The following TENM4 variants were observed in gnomAD, a reference collection of about 807,000 sequenced individuals.
The protein encoded by TENM4 is teneurin-4.
In TENM4, 82 loss-of-function variants were observed where a neutral mutation model predicts 243.3. The observed-to-expected ratio is 0.34, with a 90% CI of 0.28 to 0.40. The LOEUF (loss-of-function observed/expected upper bound fraction) is 0.40. Ranked by LOEUF, TENM4 falls within the 10% of genes least tolerant of loss-of-function variation. The probability of loss-of-function intolerance (pLI) is 1.00; values close to 1 mark genes in which losing one functional copy is unlikely to be tolerated. For missense variants in TENM4, 3,138 were observed against 3,673.3 expected, an observed-to-expected ratio of 0.85 and a Z score of 3.77; for synonymous variants, 1,412 against 1,456.3, an observed-to-expected ratio of 0.97 and a Z score of 0.69.
Position 78,929,204 on chromosome 11 carries a change from G to T in TENM4, c.494-25681C>A, listed in dbSNP as rs7931447. Among the ~76,000 whole-genome samples, 772 of 152,284 alleles carry T rather than the reference G, an allele frequency of 5.1e-3. 3 individuals are homozygous for T. Among genetic ancestry groups the T allele is most frequent in the African/African-American group, 0.018 (742 of 41,562 alleles). ...ATAAATTCAGATCACCTTGCCTTCT[G>T]CTAGGATATTCCAGACACTCAAGGA... is the stretch of plus-strand genomic sequence containing the variant. On this transcript the variant is annotated intron_variant, in intron 6 of 33. Transcript: ENST00000278550.
At chr11:79,013,171 G>A (rs1405664326) in intron 6 of TENM4, among the ~76,000 whole-genome samples, 2 of 152,160 alleles carry the variant, frequency 1.3e-5, no homozygotes, top group African/African-American at 2.4e-5. Context: ...CAGGGGGCAC[G>A]AGAGCTGGTT....
At chr11:79,408,453 G>A (rs1858619670) in intron 1 of TENM4, among the ~76,000 whole-genome samples, 1 of 152,170 alleles carries the variant, frequency 6.6e-6, no homozygotes. Flanking sequence ...AAGTCACAGA[G>A]GCAGAGCTAC....
At chr11:79,287,818 G>A (rs960240189) in intron 2 of TENM4, among the ~76,000 whole-genome samples, 14 of 151,812 alleles carry the variant, frequency 9.2e-5, no homozygotes, top group Non-Finnish European at 1.8e-4. Flanking sequence ...AGGGCAGAGG[G>A]TATTATCAAC....
intron 2 of TENM4, among the ~76,000 whole-genome samples, chr11:79,253,431 A>G (rs1015203288): frequency 2.0e-5 from 3 of 152,244 alleles, no homozygotes; most frequent in African/African-American, 7.2e-5. Context: ...GCAGCCTGTC[A>G]GACTCCTTGG....
intron 20 of TENM4, among the ~76,000 whole-genome samples, chr11:78,733,175 TA>T (rs1376194128): frequency 6.6e-6 from 1 of 152,216 alleles, no homozygotes; most frequent in Non-Finnish European, 1.5e-5. Flanking sequence ...CTAAGCAGTT[TA>T]AAGATGGCTC....
chr11:78,955,910 A>G (rs1234070861), intron 6 of TENM4, among the ~76,000 whole-genome samples: 1 of 152,200 alleles, frequency 6.6e-6, no homozygotes, highest in Non-Finnish European at 1.5e-5. Flanking sequence ...CCCAGGTGGA[A>G]GGCCATAGGT....
chr11:78,785,567 A>C lies in TENM4; in HGVS notation c.2365+1331T>G, dbSNP rs75599299. The stretch of plus-strand genomic sequence containing the variant: ...TCAGGTCCTTGAAAATGAGGAAATA[A>C]TACATACTGCTTCACAGGGTGATTG... On this transcript the variant is annotated intron_variant, in intron 16 of 33. Coordinates refer to ENST00000278550, the MANE Select transcript of TENM4 (RefSeq NM_001098816.3). Among the ~76,000 whole-genome samples, 537 of 152,328 alleles carry C rather than the reference A, an allele frequency of 3.5e-3. 3 individuals carry two copies. The highest frequency in any genetic ancestry group is 0.012 in the African/African-American group (497 of 41,566).
intron 2 of TENM4, among the ~76,000 whole-genome samples, chr11:79,281,859 C>T (rs1856162841): frequency 6.6e-6 from 1 of 152,208 alleles, no homozygotes; most frequent in Admixed American, 6.5e-5. Context: ...TTAAGGTCCG[C>T]CTTCTGGGGT....
intron 15 of TENM4, among the ~76,000 whole-genome samples, chr11:78,795,949 T>C (rs1481822832): frequency 6.6e-6 from 1 of 152,110 alleles, no homozygotes. Flanking sequence ...TCCTGTGCTT[T>C]TCAACTTCCC....
At chr11:79,013,630 A>G (rs1208916821) in intron 6 of TENM4, among the ~76,000 whole-genome samples, 1 of 152,222 alleles carries the variant, frequency 6.6e-6, no homozygotes, top group East Asian at 1.9e-4. Context: ...GGCTGGATGA[A>G]CAAGATTCCA....
intron 2 of TENM4, among the ~76,000 whole-genome samples, chr11:79,227,200 T>C (rs567006170): frequency 4.4e-4 from 67 of 152,214 alleles, no homozygotes; most frequent in Non-Finnish European, 9.0e-4. Context: ...AAAATGATTC[T>C]AGCTCCTGCT....
At chr11:79,152,495 A>G (rs1431656369) in intron 3 of TENM4, among the ~76,000 whole-genome samples, 1 of 152,222 alleles carries the variant, frequency 6.6e-6, no homozygotes, top group African/African-American at 2.4e-5. Context: ...ATAAACTCCC[A>G]GAAACTTCAT....
At chr11:79,074,042 G>A (rs1336137287) in intron 4 of TENM4, among the ~76,000 whole-genome samples, 1 of 152,138 alleles carries the variant, frequency 6.6e-6, no homozygotes, top group Non-Finnish European at 1.5e-5. Context: ...CAAGGCAAAG[G>A]CTCAGTAATC....
At chr11:78,668,276 T>C (rs1858210907) in intron 32 of TENM4, among the ~76,000 whole-genome samples, 1 of 152,234 alleles carries the variant, frequency 6.6e-6, no homozygotes, top group Non-Finnish European at 1.5e-5. Context: ...TAGCTAGGAC[T>C]CTTTTTTTAG....
intron 6 of TENM4, among the ~76,000 whole-genome samples, chr11:79,042,012 C>T (rs1017768313): frequency 2.6e-5 from 4 of 152,130 alleles, no homozygotes; most frequent in African/African-American, 9.7e-5. Flanking sequence ...GGAAATGACT[C>T]CATTTTGAAA....
chr11:78,731,272 T>C (rs772256800), intron 21 of TENM4, among the ~76,000 whole-genome samples: 1 of 152,166 alleles, frequency 6.6e-6, no homozygotes, highest in Non-Finnish European at 1.5e-5. Context: ...AACCATTTCA[T>C]AAGAAAGGTC....
At chr11:79,365,049 G>A (rs1048139707) in intron 1 of TENM4, among the ~76,000 whole-genome samples, 15 of 152,138 alleles carry the variant, frequency 9.9e-5, no homozygotes, top group African/African-American at 2.9e-4. Context: ...CTTTGATTGC[G>A]AGGATAAATA....
chr11:78,788,301 A>G (rs1856981285), intron 15 of TENM4, among the ~76,000 whole-genome samples: 1 of 152,236 alleles, frequency 6.6e-6, no homozygotes, highest in Non-Finnish European at 1.5e-5. Flanking sequence ...ACGAGTCCCC[A>G]TGTATGTTGT....
chr11:79,124,645 A>ATGTG lies in TENM4; in HGVS notation c.-66+24061_-66+24064dup, dbSNP rs35642884. Among the ~76,000 whole-genome samples, 885 of 133,840 alleles carry ATGTG rather than the reference A, an allele frequency of 6.6e-3. 10 individuals carry two copies. Among genetic ancestry groups the ATGTG allele is most frequent in the African/African-American group, 0.019 (667 of 35,346 alleles). The allele number at this position is 133,840 out of a possible 152,430, so 87.8% of individuals were successfully genotyped here. A position where few individuals can be genotyped will look rare whatever the true frequency, so the allele number is the denominator to read the frequency against. ...CATACATATGCACGTATATATATATATGTGTGTGTGTGTGTGTGTGTGTGT... is the reference window on the plus strand; with the variant it reads ...CATACATATGCACGTATATATATATATGTGTGTGTGTGTGTGTGTGTGTGTGTGT... On this transcript the variant is annotated intron_variant, in intron 4 of 33. Coordinates refer to ENST00000278550, the MANE Select transcript of TENM4 (RefSeq NM_001098816.3).
Sources: allele counts gnomAD v4.1 joint callset (sites outside exome capture counted in the v4.1 genomes callset), GRCh38; gene constraint gnomAD v4.1.1; transcripts MANE v1.5; gene names NCBI Gene and HGNC (gene_info 2026-07-23, HGNC 2026-07-21).